The following TSPEAR variants were observed in gnomAD, a reference collection of about 807,000 sequenced individuals.
The protein encoded by TSPEAR is thrombospondin type laminin G domain and EAR repeats, also known as thrombospondin-type laminin G domain and EAR repeat-containing protein.
Under a neutral mutation model 71.6 loss-of-function variants are expected in TSPEAR, and 69 were observed. That is an observed-to-expected ratio of 0.96 (90% CI 0.79 to 1.18). The LOEUF (loss-of-function observed/expected upper bound fraction) is 1.18, where lower values mean the gene tolerates loss of function less well. Among genes scored for constraint, TSPEAR ranks in the 50% most tolerant of loss-of-function variants. The pLI is 0.00. For missense variants in TSPEAR, 971 were observed against 894.9 expected (o/e 1.09, Z -1.09); for synonymous variants, 402 against 387.2 (o/e 1.04, Z -0.45).
At chr21:44,590,544 C>T (rs1268036766) in intron 1 of TSPEAR, among the ~76,000 whole-genome samples, 1 of 152,178 alleles carries the variant, frequency 6.6e-6, no homozygotes, top group Non-Finnish European at 1.5e-5. Context: ...ATTCCAGAAC[C>T]CCACGAATAC....
In TSPEAR at chr21:44,499,568, C is replaced by G; in HGVS notation, c.*215G>C. ...GGCTCTGGGCCTCTGCCTGCAAGAC[C>G]AGACCGTCACTGGGGCTGTGGCTCA... On this transcript the variant is annotated 3_prime_UTR_variant, in exon 12 of 12. Transcript: ENST00000323084. The G allele has an allele frequency of 1.9e-6, 1 of 529,640 alleles. No homozygotes were observed. Among genetic ancestry groups the G allele is most frequent in the South Asian group, 2.6e-5 (1 of 38,326 alleles). The allele number at this position is 529,640 out of a possible 1,614,324, so 32.8% of individuals were successfully genotyped here. A position where few individuals can be genotyped will look rare whatever the true frequency, so the allele number is the denominator to read the frequency against.
intron 1 of TSPEAR, among the ~76,000 whole-genome samples, chr21:44,686,809 T>G (rs1986881467): frequency 6.6e-6 from 1 of 152,202 alleles, no homozygotes; most frequent in Non-Finnish European, 1.5e-5. Flanking sequence ...TAGTTCTCTA[T>G]CAAAAATAAG....
chr21:44,514,514 C>T (rs1014092556), intron 9 of TSPEAR, among the ~76,000 whole-genome samples: 11 of 152,208 alleles, frequency 7.2e-5, no homozygotes, highest in Non-Finnish European at 1.3e-4. Flanking sequence ...GAGGACCCCA[C>T]ATGCCGACAG....
At chr21:44,676,871 CCTT>C in intron 1 of TSPEAR, 1 of 918,246 alleles carries the variant, frequency 1.1e-6, no homozygotes, top group Non-Finnish European at 1.8e-6. Context: ...TTTTCTGTGG[CCTT>C]CTGTTCTGCT....
At chr21:44,542,162 A>G (rs587696938) in intron 2 of TSPEAR, among the ~76,000 whole-genome samples, 2 of 152,386 alleles carry the variant, frequency 1.3e-5, no homozygotes, top group South Asian at 4.1e-4. Flanking sequence ...GAAGAACACA[A>G]TAGCTGAAAT....
Position 44,689,395 on chromosome 21 carries a change from A to T in TSPEAR, c.82+22038T>A, listed in dbSNP as rs1296486. Among the ~76,000 whole-genome samples, 4 of 150,642 alleles carry T rather than the reference A, an allele frequency of 2.7e-5. No individual in the cohort carries two copies. In the East Asian group the frequency reaches 8.0e-4, roughly 30 times the overall value. On this transcript the variant is annotated intron_variant, in intron 1 of 11. Coordinates refer to ENST00000323084, the MANE Select transcript of TSPEAR (RefSeq NM_144991.3). ...CGGGTGCCTGTAGTCCCAGCTACTC[A>T]GGAGGCTGAGGCAGGAGAATGGCGT...
chr21:44,699,780 G>A (rs1601580407), intron 1 of TSPEAR, among the ~76,000 whole-genome samples: 1 of 152,140 alleles, frequency 6.6e-6, no homozygotes, highest in Non-Finnish European at 1.5e-5. Context: ...TCCCAGCCAC[G>A]CTTACGGCGG....
chr21:44,643,048 G>C (rs190890835), intron 1 of TSPEAR, among the ~76,000 whole-genome samples: 5 of 152,264 alleles, frequency 3.3e-5, no homozygotes, highest in Admixed American at 3.3e-4. Flanking sequence ...AGAAAATGCG[G>C]TGCATATGCA....
chr21:44,651,441 G>A (rs1449964850), intron 1 of TSPEAR, among the ~76,000 whole-genome samples: 2 of 152,190 alleles, frequency 1.3e-5, no homozygotes, highest in Non-Finnish European at 2.9e-5. Flanking sequence ...TCTGCTGTGG[G>A]TCTCACAGGG....
chr21:44,551,357 G>A, intron 2 of TSPEAR: 1 of 1,613,166 alleles, frequency 6.2e-7, no homozygotes, highest in East Asian at 2.2e-5. Context: ...CACAGCAGCT[G>A]GGGGTGCCGC....
In TSPEAR at chr21:44,517,873, G is replaced by A. The variant is rs1187197433; in HGVS notation, c.1566+4010C>T. 1.9e-5 allele frequency: 9 copies of A among 471,154 alleles called. No individual in the cohort carries two copies. In the East Asian group the frequency reaches 2.8e-4, roughly 15 times the overall value. The allele number at this position is 471,154 out of a possible 1,614,324, so 29.2% of individuals were successfully genotyped here. Reference sequence around the variant, plus strand: ...TGCTCTCGCGCTCCTTGGGCTCAGCGCCCTTTCAGTCTGATGAGATCTGGG... The same window carrying A: ...TGCTCTCGCGCTCCTTGGGCTCAGCACCCTTTCAGTCTGATGAGATCTGGG... On this transcript the variant is annotated intron_variant, in intron 9 of 11. Transcript: ENST00000323084.
At position 44,506,311 on chromosome 21, in the gene TSPEAR, C is replaced by A. The variant is rs928016172; in HGVS notation, c.1755-1430G>T. On this transcript the variant is annotated intron_variant, in intron 10 of 11. Transcript: ENST00000323084. This position sits in a 1 kb window ranked among gnomAD's most constrained non-coding sequence, Gnocchi z 4.2. Reference sequence around the variant, plus strand: ...AGCTGTCAGCGTCAGCCCCACATCTCAAGATGAGGAAATGGAGGTCGAAGC... The same window carrying A: ...AGCTGTCAGCGTCAGCCCCACATCTAAAGATGAGGAAATGGAGGTCGAAGC... Among the ~76,000 whole-genome samples, 1 of 152,272 alleles carries A rather than the reference C, an allele frequency of 6.6e-6. No homozygotes were observed. Among genetic ancestry groups the A allele is most frequent in the Non-Finnish European group, 1.5e-5 (1 of 68,048 alleles).
At chr21:44,702,410 G>A (rs1987698676) in intron 1 of TSPEAR, 1 of 1,160,750 alleles carries the variant, frequency 8.6e-7, no homozygotes, top group Non-Finnish European at 1.2e-6. Context: ...CCCTTGTGCT[G>A]CCAGCAGTCT....
intron 1 of TSPEAR, among the ~76,000 whole-genome samples, chr21:44,616,384 C>G (rs587765236): frequency 2.6e-5 from 4 of 152,354 alleles, no homozygotes; most frequent in Admixed American, 2.0e-4. Context: ...CCCCACACCA[C>G]CTTCCACACA....
intron 2 of TSPEAR, among the ~76,000 whole-genome samples, chr21:44,535,712 G>A (rs587645245): frequency 6.6e-6 from 1 of 152,154 alleles, no homozygotes; most frequent in South Asian, 2.1e-4. Context: ...GACTACAGGT[G>A]CACACCACCA....
rs233309 is a variant in TSPEAR at position 44,592,301 on chromosome 21, G to A, written c.83-24296C>T. On this transcript the variant is annotated intron_variant, in intron 1 of 11. Transcript: ENST00000323084. Reference sequence around the variant, plus strand: ...ACTGGGCAGCAGGGGCTGGACACACGGCTCACTGGGGTGCAGACCAGGCTC... The same window carrying A: ...ACTGGGCAGCAGGGGCTGGACACACAGCTCACTGGGGTGCAGACCAGGCTC... 8.9e-3 allele frequency: 12,831 copies of A among 1,442,742 alleles called. 214 individuals are homozygous for A. The highest frequency in any genetic ancestry group is 0.087 in the African/African-American group (4,916 of 56,244). 89.4% of individuals were successfully genotyped at this position (1,442,742 alleles called of 1,614,324 possible). A position where few individuals can be genotyped will look rare whatever the true frequency, so the allele number is the denominator to read the frequency against.
At chr21:44,535,750 G>A (rs2053078643) in intron 2 of TSPEAR, among the ~76,000 whole-genome samples, 1 of 152,100 alleles carries the variant, frequency 6.6e-6, no homozygotes, top group Non-Finnish European at 1.5e-5. Context: ...ATTTTTAGTA[G>A]AGATGGGGTT....
At chr21:44,663,110 GAA>G (rs34298789) in intron 1 of TSPEAR, among the ~76,000 whole-genome samples, 1 of 147,664 alleles carries the variant, frequency 6.8e-6, no homozygotes, top group African/African-American at 2.5e-5. Flanking sequence ...TTAAAAATCT[GAA>G]AAAAAAAATG....
intron 1 of TSPEAR, among the ~76,000 whole-genome samples, chr21:44,639,649 C>A (rs587686936): frequency 1.6e-4 from 25 of 152,320 alleles, no homozygotes; most frequent in African/African-American, 5.5e-4. Flanking sequence ...AGGGGCCGAG[C>A]CTTCATCCTA....
Sources: gnomAD v4.1 joint callset for allele counts (sites outside exome capture counted in the v4.1 genomes callset) on GRCh38, gnomAD v4.1.1 for gene constraint, Gnocchi (gnomAD v3.1) non-coding constraint, MANE v1.5 for transcripts, NCBI Gene and HGNC (gene_info 2026-07-23, HGNC 2026-07-21) for gene names.